The following SCUBE2 variants were observed in gnomAD, a reference collection of about 807,000 sequenced individuals.
The protein encoded by SCUBE2 is signal peptide, CUB and EGF-like domain-containing protein 2.
Under a neutral mutation model 125.9 loss-of-function variants are expected in SCUBE2, and 114 were observed. The ratio of observed to expected loss-of-function variants is 0.91; its 90% CI spans 0.78 to 1.06. The LOEUF is 1.06. Ranked by LOEUF, SCUBE2 falls within the 50% of genes least tolerant of loss-of-function variation. The pLI, the probability that SCUBE2 is intolerant of heterozygous loss-of-function variation, is 0.00. For synonymous variants in SCUBE2, 459 were observed against 492.9 expected (o/e 0.93, Z 0.91); for missense variants, 1,255 against 1,301.8 (o/e 0.96, Z 0.55).
chr11:9,025,183 C>T (rs902803718), intron 21 of SCUBE2, among the ~76,000 whole-genome samples: 5 of 152,188 alleles, frequency 3.3e-5, no homozygotes, highest in Non-Finnish European at 5.9e-5. Context: ...TGCCCAAGAT[C>T]CCACAGTGAG....
In SCUBE2 at chr11:9,062,165, C is replaced by T. The variant is rs578230521; in HGVS notation, c.851-1641G>A. Among the ~76,000 whole-genome samples the T allele has an allele frequency of 5.3e-5, 8 of 152,328 alleles. No individual in the cohort carries two copies. The East Asian group carries it at 1.5e-3, about 29-fold the overall frequency. On this transcript the variant is annotated intron_variant, in intron 7 of 22. Coordinates refer to ENST00000649792, the MANE Select transcript of SCUBE2 (RefSeq NM_001367977.2). ...TGAAAAAGAGATCTCTAACCCTCAT[C>T]CCTCTTCCCCCAACTCCTTCAGCTC... is the stretch of plus-strand genomic sequence containing the variant.
chr11:9,059,557 G>T, intron 8 of SCUBE2, 132 bp from the exon 9 acceptor site: 1 of 1,151,634 alleles, frequency 8.7e-7, no homozygotes, highest in Non-Finnish European at 1.2e-6. Context: ...ATTTAAGAAT[G>T]TTTGCTGATG....
chr11:9,052,880 C>T, intron 12 of SCUBE2, 48 bp from the exon 13 acceptor site: 2 of 1,431,238 alleles, frequency 1.4e-6, no homozygotes, highest in Non-Finnish European at 1.9e-6. Context: ...AGGTCACAGG[C>T]TATCCTGGTA....
At position 9,025,805 on chromosome 11, in the gene SCUBE2, G is replaced by A; in HGVS notation, c.2751C>T (p.Arg917=). 3.7e-6 allele frequency: 6 copies of A among 1,614,206 alleles called. No homozygotes were observed. Among genetic ancestry groups the A allele is most frequent in the Non-Finnish European group, 5.1e-6 (6 of 1,180,050 alleles). Residue 917 remains arginine (R), a synonymous_variant, in exon 21 of 23, where the codon CGC becomes CGT. Coordinates refer to ENST00000649792, the MANE Select transcript of SCUBE2 (RefSeq NM_001367977.2). ...TTGACCTGGAGGTGAAGGCGATGGG[G>A]CGTTCGTAGGTCTGGCAGGTTTCAT... The part of the protein sequence containing the change: ...TTYETCQTYE[R]PIAFTSRSKK...
chr11:9,056,035 C>T, intron 9 of SCUBE2, 126 bp from the exon 10 acceptor site: 1 of 743,952 alleles, frequency 1.3e-6, no homozygotes, highest in Non-Finnish European at 2.4e-6. Flanking sequence ...AAAACATTAT[C>T]TATCCATTTT....
chr11:9,043,913 G>C (rs551147892), intron 16 of SCUBE2, among the ~76,000 whole-genome samples: 1 of 152,028 alleles, frequency 6.6e-6, no homozygotes, highest in East Asian at 1.9e-4. Context: ...GACATGCATA[G>C]GCATGATCTT....
At chr11:9,034,357 G>A (rs1171971044) in intron 16 of SCUBE2, among the ~76,000 whole-genome samples, 1 of 152,018 alleles carries the variant, frequency 6.6e-6, no homozygotes, top group Admixed American at 6.6e-5. Flanking sequence ...GAAAAGATTG[G>A]GAATAGACTG....
chr11:9,057,159 T>C (rs539095974), intron 9 of SCUBE2: 1 of 152,370 alleles, frequency 6.6e-6, no homozygotes, highest in African/African-American at 2.4e-5. Flanking sequence ...GTAGCTGACT[T>C]TGGCTGCTCA....
chr11:9,060,588 TCACAGAAGCCAAGAAGCATGGTGGGGTA>T, intron 7 of SCUBE2, 64 bp from the exon 8 acceptor site: 1 of 1,377,694 alleles, frequency 7.3e-7, no homozygotes, highest in African/African-American at 1.4e-5. Context: ...CTGACGAAGG[TCACAGAAGCCAAGAAGCATGGTGGGGTA>T]CTCATGGTCA....
intron 10 of SCUBE2, among the ~76,000 whole-genome samples, chr11:9,054,766 G>A (rs1234751202): frequency 3.3e-5 from 3 of 90,628 alleles, no homozygotes; most frequent in South Asian, 3.8e-4. Context: ...GTGGAGTTTC[G>A]CTCTTATTGC....
intron 18 of SCUBE2, chr11:9,030,252 G>C (rs1249430991): frequency 3.4e-6 from 2 of 596,502 alleles, no homozygotes; most frequent in Non-Finnish European, 5.9e-6. Context: ...AGAGGAACAA[G>C]ATATGTGTGT....
At chr11:9,046,164 G>A (rs1166369653) in intron 16 of SCUBE2, among the ~76,000 whole-genome samples, 2 of 151,812 alleles carry the variant, frequency 1.3e-5, no homozygotes, top group African/African-American at 2.4e-5. Flanking sequence ...GCGCCACCAC[G>A]CCCAGCTAAT....
In SCUBE2 at chr11:9,069,982, A is replaced by AGGT. The variant is rs550762537; in HGVS notation, c.518-490_518-488dup. Among the ~76,000 whole-genome samples the AGGT allele has an allele frequency of 1.1e-4, 17 of 152,260 alleles. No homozygotes were observed. The South Asian group carries it at 3.3e-3, about 30-fold the overall frequency. On this transcript the variant is annotated intron_variant, in intron 4 of 22. Coordinates refer to ENST00000649792, the MANE Select transcript of SCUBE2 (RefSeq NM_001367977.2). ...TGCCCCCACCAATCCCACCCTTCTG[A>AGGT]GGTGAGTGTGACTGTGGCATTTTGG...
chr11:9,036,599 G>A (rs141804360), intron 16 of SCUBE2, among the ~76,000 whole-genome samples: 1 of 152,312 alleles, frequency 6.6e-6, no homozygotes, highest in Non-Finnish European at 1.5e-5. Flanking sequence ...TGCCGATATG[G>A]TGACAATGAT....
chr11:9,080,258 T>C (rs1262471940), intron 2 of SCUBE2, among the ~76,000 whole-genome samples: 1 of 152,208 alleles, frequency 6.6e-6, no homozygotes, highest in Non-Finnish European at 1.5e-5. Flanking sequence ...AAGATGACTT[T>C]AGATCCTTAT....
intron 17 of SCUBE2, 30 bp downstream of exon 17, chr11:9,033,596 G>C (rs1435103586): frequency 6.2e-7 from 1 of 1,602,670 alleles, no homozygotes; most frequent in Admixed American, 1.7e-5. Flanking sequence ...AGAGATGGGA[G>C]GAGTAGGAAG....
intron 16 of SCUBE2, among the ~76,000 whole-genome samples, chr11:9,040,787 G>GGACAACACGAGATTTCAT (rs1376022180): frequency 6.6e-6 from 1 of 152,210 alleles, no homozygotes; most frequent in Non-Finnish European, 1.5e-5. Flanking sequence ...GGATGGAGCA[G>GGACAACACGAGATTTCAT]GACAACACGA....
intron 3 of SCUBE2, 98 bp from the exon 4 acceptor site, chr11:9,074,713 C>T: frequency 7.4e-7 from 1 of 1,352,906 alleles, no homozygotes; most frequent in Non-Finnish European, 1.0e-6. Context: ...GATGAGGTTC[C>T]TCTTCACGTC....
intron 1 of SCUBE2, among the ~76,000 whole-genome samples, chr11:9,090,106 T>G (rs866003748): frequency 6.6e-6 from 1 of 152,194 alleles, no homozygotes; most frequent in Non-Finnish European, 1.5e-5. Context: ...ACCCCCATTG[T>G]AGCTGCCCTC....
Sources: allele counts gnomAD v4.1 joint callset (sites outside exome capture counted in the v4.1 genomes callset), GRCh38; gene constraint gnomAD v4.1.1; transcripts MANE v1.5; gene names NCBI Gene and HGNC (gene_info 2026-07-23, HGNC 2026-07-21).